Variants in STAG1 observed in about 807,000 individuals in gnomAD.
STAG1 encodes cohesin subunit SA-1.
In STAG1, 26 loss-of-function variants were observed where a neutral mutation model predicts 170.9. The ratio of observed to expected loss-of-function variants is 0.15; its 90% confidence interval spans 0.11 to 0.21. The LOEUF (loss-of-function observed/expected upper bound fraction) is 0.21, where lower values mean the gene tolerates loss of function less well. STAG1 is among the 10% of genes least tolerant of loss of function. The pLI is 1.00. For synonymous variants in STAG1, 514 were observed against 497.7 expected (o/e 1.03, Z -0.44); for missense variants, 964 against 1,509.5 (o/e 0.64, Z 5.99).
intron 27 of STAG1, 108 bp downstream of exon 27, chr3:136,359,040 T>C: frequency 2.1e-6 from 2 of 968,666 alleles, no homozygotes; most frequent in Non-Finnish European, 1.4e-6. Flanking sequence ...TCCAAAGTTC[T>C]TATAACTTAA....
At chr3:136,677,342 C>T (rs1354769773) in intron 1 of STAG1, among the ~76,000 whole-genome samples, 1 of 152,006 alleles carries the variant, frequency 6.6e-6, no homozygotes, top group Non-Finnish European at 1.5e-5. Context: ...TATTACTAGG[C>T]CATAGGAATT....
chr3:136,512,080 C>A (rs530929641), intron 7 of STAG1, among the ~76,000 whole-genome samples: 2 of 131,082 alleles, frequency 1.5e-5, no homozygotes, highest in South Asian at 4.9e-4. Context: ...CACAGTAAGA[C>A]CTCTTCTCTA....
chr3:136,418,402 G>GT lies in STAG1; in HGVS notation c.2109-431dup, dbSNP rs1416733833. Reference sequence around the variant, plus strand: ...AAAAAAAAAAAAAAAAAAAAAAAAGGTTTTTTTCATTTCCTTGCAGAATTG... The same window carrying GT: ...AAAAAAAAAAAAAAAAAAAAAAAAGGTTTTTTTTCATTTCCTTGCAGAATTG... On this transcript the variant is annotated intron_variant, in intron 20 of 33. Transcript: ENST00000383202. 1.9e-4 allele frequency among the ~76,000 whole-genome samples: 17 copies of GT among 89,434 alleles called. No homozygotes were observed. In the South Asian group the frequency reaches 3.3e-3, roughly 17 times the overall value. The allele number at this position is 89,434 out of a possible 152,430, so 58.7% of individuals were successfully genotyped here.
At chr3:136,461,698 G>A (rs2089279990) in intron 13 of STAG1, among the ~76,000 whole-genome samples, 1 of 151,592 alleles carries the variant, frequency 6.6e-6, no homozygotes, top group African/African-American at 2.4e-5. Flanking sequence ...AGGAAAAACA[G>A]ACAAATGAGA....
chr3:136,502,483 T>A (rs1440699617), intron 8 of STAG1, 145 bp downstream of exon 8: 2 of 826,728 alleles, frequency 2.4e-6, no homozygotes, highest in Non-Finnish European at 3.7e-6. Context: ...CAATGAACAC[T>A]CCAGCTTCAT....
intron 28 of STAG1, among the ~76,000 whole-genome samples, chr3:136,354,623 T>C (rs1185433088): frequency 2.0e-5 from 3 of 151,546 alleles, no homozygotes; most frequent in African/African-American, 7.3e-5. Context: ...ATAAGATGTA[T>C]ACTGTAAGGC....
chr3:136,695,216 A>G (rs1942848582), intron 1 of STAG1, among the ~76,000 whole-genome samples: 1 of 152,184 alleles, frequency 6.6e-6, no homozygotes, highest in Admixed American at 6.6e-5. Flanking sequence ...AGATAAGAAG[A>G]TATGTGATAG....
intron 1 of STAG1, among the ~76,000 whole-genome samples, chr3:136,695,757 G>T (rs1304347954): frequency 6.6e-6 from 1 of 150,588 alleles, no homozygotes; most frequent in South Asian, 2.1e-4. Flanking sequence ...AATAAAACTG[G>T]AAAGTTCAAA....
At chr3:136,583,140 G>T (rs1025838202) in intron 4 of STAG1, among the ~76,000 whole-genome samples, 7 of 151,958 alleles carry the variant, frequency 4.6e-5, no homozygotes, top group Non-Finnish European at 1.0e-4. Context: ...AGGCTCTCAG[G>T]CAATTCATTT....
At chr3:136,658,812 CTG>C (rs1182315192) in intron 1 of STAG1, among the ~76,000 whole-genome samples, 5 of 152,170 alleles carry the variant, frequency 3.3e-5, no homozygotes, top group Non-Finnish European at 7.4e-5. Flanking sequence ...ATATATGTTA[CTG>C]TGCCATTTTC....
chr3:136,698,810 G>C (rs151015861), intron 1 of STAG1, among the ~76,000 whole-genome samples: 1 of 152,200 alleles, frequency 6.6e-6, no homozygotes, highest in African/African-American at 2.4e-5. Context: ...TCCAACCTAA[G>C]TGCCCATCAA....
intron 2 of STAG1, among the ~76,000 whole-genome samples, chr3:136,629,062 C>T (rs1201180010): frequency 1.3e-5 from 2 of 152,088 alleles, no homozygotes; most frequent in African/African-American, 2.4e-5. Flanking sequence ...TGTCCAGTAC[C>T]CACAGACATA....
intron 1 of STAG1, among the ~76,000 whole-genome samples, chr3:136,686,181 T>C (rs1358203649): frequency 1.3e-5 from 2 of 152,210 alleles, no homozygotes; most frequent in African/African-American, 4.8e-5. Context: ...TCTGAGTGTT[T>C]TTCCCCTACC....
At chr3:136,724,639 T>C (rs1053303586) in intron 1 of STAG1, among the ~76,000 whole-genome samples, 1 of 151,378 alleles carries the variant, frequency 6.6e-6, no homozygotes. Context: ...CATGAATACT[T>C]AGTGGCTCCA....
At chr3:136,374,169 C>G (rs1259879426) in intron 23 of STAG1, among the ~76,000 whole-genome samples, 4 of 152,062 alleles carry the variant, frequency 2.6e-5, no homozygotes, top group Non-Finnish European at 5.9e-5. Context: ...GCAACCCCTG[C>G]CTTTTTTTGT....
chr3:136,600,554 C>T (rs529542351), intron 4 of STAG1, among the ~76,000 whole-genome samples: 5 of 152,272 alleles, frequency 3.3e-5, no homozygotes, highest in South Asian at 4.1e-4. Flanking sequence ...ATTTTTGAGA[C>T]GGAGTCTCGC....
intron 1 of STAG1, among the ~76,000 whole-genome samples, chr3:136,715,318 TG>T (rs1249755801): frequency 6.6e-6 from 1 of 151,576 alleles, no homozygotes; most frequent in Non-Finnish European, 1.5e-5. Flanking sequence ...AGGGCTAGTT[TG>T]TGTTTATAAT....
At chr3:136,465,598 G>C (rs1338191521) in intron 12 of STAG1, among the ~76,000 whole-genome samples, 1 of 121,198 alleles carries the variant, frequency 8.3e-6, no homozygotes, top group Non-Finnish European at 1.7e-5. Flanking sequence ...GGAAAAGGAA[G>C]AGACAAAACT....
chr3:136,680,481 G>A (rs1314316256), intron 1 of STAG1, among the ~76,000 whole-genome samples: 1 of 152,062 alleles, frequency 6.6e-6, no homozygotes, highest in Admixed American at 6.5e-5. Context: ...GTAAAATGGA[G>A]TAATACGTAA....
Sources: allele counts gnomAD v4.1 joint callset (sites outside exome capture counted in the v4.1 genomes callset), GRCh38; gene constraint gnomAD v4.1.1; transcripts MANE v1.5; gene names NCBI Gene and HGNC (gene_info 2026-07-23, HGNC 2026-07-21).